The following DPH5 variants were observed in gnomAD, a reference collection of about 807,000 sequenced individuals.
DPH5 encodes diphthamide biosynthesis 5, also known as diphthine methyl ester synthase.
A neutral mutation model predicts 31.6 loss-of-function variants in DPH5; 31 were observed. The ratio of observed to expected loss-of-function variants is 0.98; its 90% confidence interval spans 0.74 to 1.32. The LOEUF is 1.32. DPH5 is among the 40% of genes most tolerant of loss of function. The pLI is 0.00. For missense variants in DPH5, 309 were observed against 335.7 expected (o/e 0.92, Z 0.62); for synonymous variants, 120 against 115.0 (o/e 1.04, Z -0.28).
chr1:101,001,617 A>T (rs1351847630), intron 4 of DPH5, 30 bp from the exon 5 acceptor site: 1 of 1,449,272 alleles, frequency 6.9e-7, no homozygotes, highest in Non-Finnish European at 9.5e-7. Flanking sequence ...TTAATGATGG[A>T]ACAATTAACT....
At chr1:101,009,878 T>A (rs1659504707) in intron 4 of DPH5, among the ~76,000 whole-genome samples, 1 of 152,214 alleles carries the variant, frequency 6.6e-6, no homozygotes, top group Non-Finnish European at 1.5e-5. Flanking sequence ...TTGGTTCCTT[T>A]AACAAGCCAA....
chr1:100,991,823 G>A (rs986638944), intron 7 of DPH5, among the ~76,000 whole-genome samples: 5 of 148,218 alleles, frequency 3.4e-5, no homozygotes, highest in East Asian at 2.0e-4. Flanking sequence ...TGGGCCAGGC[G>A]TGGTGGTTCA....
At chr1:101,010,644 G>C (rs1389071479) in intron 4 of DPH5, among the ~76,000 whole-genome samples, 1 of 152,114 alleles carries the variant, frequency 6.6e-6, no homozygotes, top group Non-Finnish European at 1.5e-5. Flanking sequence ...ATAACTTGAT[G>C]GCTGTTTTTG....
intron 5 of DPH5, among the ~76,000 whole-genome samples, chr1:100,998,191 T>G (rs1267193801): frequency 6.6e-6 from 1 of 152,138 alleles, no homozygotes; most frequent in African/African-American, 2.4e-5. Context: ...TGGCCTAATC[T>G]AGATCTATAA....
chr1:101,001,328 G>C (rs1658849776), intron 5 of DPH5, 139 bp downstream of exon 5: 1 of 715,474 alleles, frequency 1.4e-6, no homozygotes, highest in Non-Finnish European at 2.2e-6. Context: ...GCATGGGAAA[G>C]AGTGTGGTCT....
At chr1:101,005,948 C>G (rs1659200317) in intron 4 of DPH5, among the ~76,000 whole-genome samples, 1 of 152,170 alleles carries the variant, frequency 6.6e-6, no homozygotes, top group African/African-American at 2.4e-5. Flanking sequence ...TACCTCCATG[C>G]TGTTCTCGTG....
chr1:100,992,097 C>CAA (rs746311294), intron 7 of DPH5, among the ~76,000 whole-genome samples: 2 of 120,358 alleles, frequency 1.7e-5, no homozygotes. Context: ...GACCCTCTCT[C>CAA]AAAAAAAAAA....
intron 6 of DPH5, among the ~76,000 whole-genome samples, chr1:100,993,042 AAAGT>A (rs3831075): frequency 0.081 from 12,371 of 152,276 alleles, 664 homozygotes; most frequent in Middle Eastern, 0.19. Flanking sequence ...AAAACAATTC[AAAGT>A]AAGTGGCAAT....
chr1:100,993,227 C>A (rs1380730492), intron 6 of DPH5, among the ~76,000 whole-genome samples: 2 of 152,052 alleles, frequency 1.3e-5, no homozygotes, highest in Non-Finnish European at 2.9e-5. Context: ...AAAAGCCTAT[C>A]AGGCTTGCCG....
intron 3 of DPH5, among the ~76,000 whole-genome samples, chr1:101,020,987 A>G (rs1016298816): frequency 3.3e-5 from 5 of 152,188 alleles, no homozygotes; most frequent in African/African-American, 7.2e-5. Context: ...AAGGTCTTAC[A>G]TGGTCCTTAT....
chr1:100,996,857 T>C (rs1381767474), intron 5 of DPH5, among the ~76,000 whole-genome samples: 1 of 152,246 alleles, frequency 6.6e-6, no homozygotes, highest in Non-Finnish European at 1.5e-5. Context: ...TTATCCTCAC[T>C]AATCCCTATG....
intron 3 of DPH5, among the ~76,000 whole-genome samples, chr1:101,015,636 G>A (rs905782073): frequency 1.3e-5 from 2 of 152,098 alleles, no homozygotes; most frequent in South Asian, 2.1e-4. Flanking sequence ...TTTTAAGTCC[G>A]GCATTCACTT....
intron 2 of DPH5, 98 bp from the exon 3 acceptor site, chr1:101,021,863 T>TACAC (rs1558053140): frequency 9.8e-7 from 1 of 1,015,916 alleles, no homozygotes; most frequent in African/African-American, 1.8e-5. Context: ...CACACACTCT[T>TACAC]TGTTTGGGAC....
intron 5 of DPH5, among the ~76,000 whole-genome samples, chr1:100,997,816 C>T (rs1336882628): frequency 6.6e-6 from 1 of 152,132 alleles, no homozygotes; most frequent in Non-Finnish European, 1.5e-5. Flanking sequence ...TTTTTCATCC[C>T]TCAGATACAT....
rs911011055 is a variant in DPH5 at position 100,993,750 on chromosome 1, A to AT, written c.531-1011dup. 3.3e-3 allele frequency among the ~76,000 whole-genome samples: 481 copies of AT among 145,400 alleles called. 2 individuals carry two copies. The highest frequency in any genetic ancestry group is 7.1e-3 in the Middle Eastern group (2 of 280). On this transcript the variant is annotated intron_variant, in intron 6 of 7. Transcript: ENST00000370109. ...TAACAAAAAAGTTTGTAAAAAGGCA[A>AT]TTTTTTTTTTTAAGACAGTCTCACT...
chr1:100,994,716 G>A (rs561720376), intron 6 of DPH5, among the ~76,000 whole-genome samples: 8 of 152,178 alleles, frequency 5.3e-5, no homozygotes, highest in South Asian at 2.1e-4. Flanking sequence ...TAGTAGAGAC[G>A]TGGTTTCACC....
At chr1:101,007,907 A>T (rs777053036) in intron 4 of DPH5, among the ~76,000 whole-genome samples, 15 of 152,212 alleles carry the variant, frequency 9.9e-5, no homozygotes, top group African/African-American at 1.9e-4. Flanking sequence ...TTAGACATAC[A>T]AATAGGCTTT....
intron 7 of DPH5, among the ~76,000 whole-genome samples, chr1:100,991,088 TA>T (rs1206491205): frequency 1.3e-5 from 2 of 152,138 alleles, no homozygotes; most frequent in African/African-American, 4.8e-5. Context: ...AGCTGTGTGA[TA>T]AACTTCAGTT....
In DPH5 at chr1:100,999,835, G is replaced by A. The variant is rs553998843; in HGVS notation, c.490+1632C>T. Among the ~76,000 whole-genome samples, 39 of 148,472 alleles carry A rather than the reference G, an allele frequency of 2.6e-4. No individual in the cohort carries two copies. The South Asian group carries it at 7.2e-3, about 27-fold the overall frequency. On this transcript the variant is annotated intron_variant, in intron 5 of 7. Coordinates refer to ENST00000370109, the MANE Select transcript of DPH5 (RefSeq NM_015958.3). ...GCCTGGGCAACAAGAGCAAGGCTCC[G>A]TCTCAAAAAAATAAAAATAAAATAA...
Sources: allele counts gnomAD v4.1 joint callset (sites outside exome capture counted in the v4.1 genomes callset), GRCh38; gene constraint gnomAD v4.1.1; transcripts MANE v1.5; gene names NCBI Gene and HGNC (gene_info 2026-07-23, HGNC 2026-07-21).